Variants in DOCK8 observed in about 807,000 individuals in gnomAD.
DOCK8 encodes dedicator of cytokinesis protein 8.
DOCK8 carries 141 observed loss-of-function variants against 245.6 expected under a neutral mutation model. That is an observed-to-expected ratio of 0.57 (90% confidence interval 0.50 to 0.66). The LOEUF is 0.66. Among genes scored for constraint, DOCK8 ranks in the 30% least tolerant of loss-of-function variants. The pLI is 0.00. For synonymous variants in DOCK8, 1,168 were observed against 970.2 expected (o/e 1.20, Z -3.79); for missense variants, 2,965 against 2,603.4 (o/e 1.14, Z -3.02).
chr9:399,448 G>T (rs1230258790), intron 26 of DOCK8, among the ~76,000 whole-genome samples, 189 bp downstream of exon 26: 2 of 152,092 alleles, frequency 1.3e-5, no homozygotes, highest in Admixed American at 1.3e-4. Flanking sequence ...GGTTTACCTT[G>T]ATTCCTGGAG....
At chr9:286,787 T>A in intron 3 of DOCK8, 151 bp downstream of exon 3, 1 of 814,368 alleles carries the variant, frequency 1.2e-6, no homozygotes, top group South Asian at 1.5e-5. Context: ...GATATCATCA[T>A]GTAAGTATAG....
intron 3 of DOCK8, among the ~76,000 whole-genome samples, 184 bp downstream of exon 3, chr9:286,820 C>T (rs2048843074): frequency 6.6e-6 from 1 of 152,000 alleles, no homozygotes; most frequent in South Asian, 2.1e-4. Context: ...TTAGTTTGGC[C>T]AGAGATTTTG....
intron 7 of DOCK8, among the ~76,000 whole-genome samples, chr9:324,326 C>G (rs1366076494): frequency 6.6e-6 from 1 of 152,150 alleles, no homozygotes; most frequent in African/African-American, 2.4e-5. Context: ...TCACACATAC[C>G]TGGAGACAAA....
chr9:413,352 G>A lies in DOCK8; in HGVS notation c.3531-1430G>A, dbSNP rs571617306. Among the ~76,000 whole-genome samples, 13 of 152,146 alleles carry A rather than the reference G, an allele frequency of 8.5e-5. No homozygotes were observed. In the South Asian group the frequency reaches 1.9e-3, roughly 22 times the overall value. The stretch of plus-strand genomic sequence containing the variant: ...CATCATAGACTTAGAAAAGGCAGTG[G>A]TTTCTTAGATATGACACACTCGAAA... On this transcript the variant is annotated intron_variant, in intron 28 of 47. Coordinates refer to ENST00000432829, the MANE Select transcript of DOCK8 (RefSeq NM_203447.4).
intron 18 of DOCK8, among the ~76,000 whole-genome samples, chr9:374,920 G>A (rs2053458387): frequency 6.6e-6 from 1 of 152,022 alleles, no homozygotes; most frequent in African/African-American, 2.4e-5. Flanking sequence ...GCCTTGTTCT[G>A]GTGGCATCTG....
intron 5 of DOCK8, among the ~76,000 whole-genome samples, chr9:309,029 T>C (rs1239207891): frequency 6.6e-6 from 1 of 152,224 alleles, no homozygotes; most frequent in Non-Finnish European, 1.5e-5. Flanking sequence ...ACTTCCTTTT[T>C]GGGGGCATTT....
At chr9:375,281 A>G (rs2053470002) in intron 18 of DOCK8, among the ~76,000 whole-genome samples, 1 of 152,198 alleles carries the variant, frequency 6.6e-6, no homozygotes. Context: ...TCAACACTGC[A>G]GGACATCTCT....
At chr9:325,795 C>T in intron 8 of DOCK8, 58 bp downstream of exon 8, 2 of 1,434,432 alleles carry the variant, frequency 1.4e-6, no homozygotes, top group Admixed American at 1.8e-5. Flanking sequence ...TGATTCTTTG[C>T]ATGTATGTTT....
rs957074563 is a variant in DOCK8, at chr9:286,878, A to C, written c.332+242A>C. Among the ~76,000 whole-genome samples the C allele has an allele frequency of 3.3e-5, 5 of 152,110 alleles. No individual in the cohort carries two copies. In the East Asian group the frequency reaches 9.6e-4, roughly 29 times the overall value. On this transcript the variant is annotated intron_variant, in intron 3 of 47. Coordinates refer to ENST00000432829, the MANE Select transcript of DOCK8 (RefSeq NM_203447.4). Reference sequence around the variant, plus strand: ...CAGTGCAAGGGATGCAGGAGGACCAAATGAAATGCTCAAGAGGAGGTTAAA... The same window carrying C: ...CAGTGCAAGGGATGCAGGAGGACCACATGAAATGCTCAAGAGGAGGTTAAA...
chr9:296,636 G>A (rs2049269927), intron 4 of DOCK8, among the ~76,000 whole-genome samples: 1 of 152,146 alleles, frequency 6.6e-6, no homozygotes, highest in Admixed American at 6.5e-5. Context: ...ATATAATTCA[G>A]TTACTCCCAG....
At chr9:369,978 T>C in intron 15 of DOCK8, 1 of 513,574 alleles carries the variant, frequency 1.9e-6, no homozygotes, top group Non-Finnish European at 3.5e-6. Flanking sequence ...ATTTTTGTAT[T>C]TTTTTGTAGA....
At chr9:398,831 A>G (rs998450385) in intron 25 of DOCK8, among the ~76,000 whole-genome samples, 2 of 152,162 alleles carry the variant, frequency 1.3e-5, no homozygotes, top group Non-Finnish European at 2.9e-5. Flanking sequence ...AAAAGTTACC[A>G]GGATATAAAA....
chr9:395,283 A>G (rs1007191282), intron 24 of DOCK8, among the ~76,000 whole-genome samples: 3 of 152,182 alleles, frequency 2.0e-5, no homozygotes, highest in African/African-American at 7.2e-5. Context: ...TGAGCTGGCC[A>G]TGGCGTTGTC....
intron 15 of DOCK8, chr9:368,554 A>G (rs1264264429): frequency 9.5e-6 from 4 of 419,086 alleles, no homozygotes; most frequent in Admixed American, 3.7e-5. Flanking sequence ...CTCGGACCAC[A>G]GTGCTGATGA....
At chr9:442,045 A>C in intron 42 of DOCK8, 36 bp downstream of exon 42, 1 of 1,612,696 alleles carries the variant, frequency 6.2e-7, no homozygotes, top group Non-Finnish European at 8.5e-7. Context: ...GACCTGGTAC[A>C]CTTTACAAAA....
chr9:304,573 C>A lies in DOCK8; in HGVS notation c.405-8C>A. 3 of 1,613,978 alleles carry A rather than the reference C, an allele frequency of 1.9e-6. No homozygotes were observed. The highest frequency in any genetic ancestry group is 2.5e-6 in the Non-Finnish European group (3 of 1,179,980). ...TTCTCTCTCCAAATTAAATATCAACCATAAAAGAAACCAAGGAAGTCCAGA... is the reference window on the plus strand; with the variant it reads ...TTCTCTCTCCAAATTAAATATCAACAATAAAAGAAACCAAGGAAGTCCAGA... On this transcript the variant is annotated splice_region_variant and splice_polypyrimidine_tract_variant and intron_variant, in intron 4 of 47. Coordinates refer to ENST00000432829, the MANE Select transcript of DOCK8 (RefSeq NM_203447.4).
intron 1 of DOCK8, among the ~76,000 whole-genome samples, chr9:221,024 T>C (rs2046870965): frequency 6.6e-6 from 1 of 152,220 alleles, no homozygotes; most frequent in African/African-American, 2.4e-5. Context: ...GTGTGGTTCC[T>C]GTGCTTCTGG....
At chr9:282,589 TA>T (rs34430420) in intron 2 of DOCK8, among the ~76,000 whole-genome samples, 1,599 of 145,470 alleles carry the variant, frequency 0.011, 24 homozygotes, top group African/African-American at 0.035. Context: ...CATCTAACTT[TA>T]AAAAAAAAAA....
chr9:283,724 T>A (rs963443188), intron 2 of DOCK8, among the ~76,000 whole-genome samples: 1 of 152,238 alleles, frequency 6.6e-6, no homozygotes. Flanking sequence ...AGACATGATT[T>A]CATTCTTTGT....
Sources: allele counts gnomAD v4.1 joint callset (sites outside exome capture counted in the v4.1 genomes callset), GRCh38; gene constraint gnomAD v4.1.1; transcripts MANE v1.5; gene names NCBI Gene and HGNC (gene_info 2026-07-23, HGNC 2026-07-21).